OSBPL1A: variants seen among roughly 807,000 people sequenced by gnomAD.
OSBPL1A encodes the protein oxysterol-binding protein-related protein 1.
In OSBPL1A, 80 loss-of-function variants were observed where a neutral mutation model predicts 137.1. That is an observed-to-expected ratio of 0.58 (90% CI 0.49 to 0.70). OSBPL1A has a LOEUF of 0.70. Among genes scored for constraint, OSBPL1A ranks in the 30% least tolerant of loss-of-function variants. The pLI is 0.00. For synonymous variants in OSBPL1A, 365 were observed against 389.7 expected (o/e 0.94, Z 0.75); for missense variants, 970 against 1,129.4 (o/e 0.86, Z 2.02).
At chr18:24,344,046 T>C (rs1021725958) in intron 4 of OSBPL1A, among the ~76,000 whole-genome samples, 1 of 152,190 alleles carries the variant, frequency 6.6e-6, no homozygotes, top group African/African-American at 2.4e-5. Context: ...GCAAATCATG[T>C]ATCTAACAAG....
intron 1 of OSBPL1A, among the ~76,000 whole-genome samples, chr18:24,387,958 C>T (rs776360987): frequency 6.6e-6 from 1 of 151,974 alleles, no homozygotes; most frequent in Non-Finnish European, 1.5e-5. Flanking sequence ...GGGGATGAAT[C>T]GATAGCCAAT....
intron 24 of OSBPL1A, 103 bp downstream of exon 24, chr18:24,170,224 G>T: frequency 7.4e-7 from 1 of 1,345,084 alleles, no homozygotes; most frequent in Non-Finnish European, 1.0e-6. Flanking sequence ...CAACAAGGAA[G>T]AAGAAAGTTA....
At chr18:24,362,437 G>A (rs923833734) in intron 4 of OSBPL1A, among the ~76,000 whole-genome samples, 1 of 152,158 alleles carries the variant, frequency 6.6e-6, no homozygotes, top group Non-Finnish European at 1.5e-5. Context: ...AAATAGACAA[G>A]AGTGGTATAA....
At chr18:24,285,127 C>T (rs138640905) in intron 14 of OSBPL1A, among the ~76,000 whole-genome samples, 1 of 152,166 alleles carries the variant, frequency 6.6e-6, no homozygotes. Flanking sequence ...ACTCCAACAG[C>T]GGCCACACCC....
intron 15 of OSBPL1A, among the ~76,000 whole-genome samples, chr18:24,247,308 G>C (rs193019129): frequency 6.6e-6 from 1 of 152,310 alleles, no homozygotes; most frequent in East Asian, 1.9e-4. Context: ...CAAGAACTAA[G>C]ACAAGACCAC....
At chr18:24,231,490 A>G (rs2088278641) in intron 16 of OSBPL1A, among the ~76,000 whole-genome samples, 1 of 152,116 alleles carries the variant, frequency 6.6e-6, no homozygotes, top group Non-Finnish European at 1.5e-5. Context: ...GGGTTTCACC[A>G]TGTTGGCCAG....
chr18:24,351,702 G>A (rs1599702636), intron 4 of OSBPL1A, among the ~76,000 whole-genome samples: 1 of 152,104 alleles, frequency 6.6e-6, no homozygotes, highest in African/African-American at 2.4e-5. Flanking sequence ...ACCATGCGCA[G>A]ATAATTTTTG....
At chr18:24,298,849 C>A (rs1341522186) in intron 14 of OSBPL1A, among the ~76,000 whole-genome samples, 1 of 152,142 alleles carries the variant, frequency 6.6e-6, no homozygotes, top group Non-Finnish European at 1.5e-5. Flanking sequence ...GCACTATTAC[C>A]ATGTTGCTGT....
At chr18:24,272,560 C>T (rs1226012918) in intron 15 of OSBPL1A, among the ~76,000 whole-genome samples, 1 of 152,158 alleles carries the variant, frequency 6.6e-6, no homozygotes, top group Non-Finnish European at 1.5e-5. Flanking sequence ...AAATACCACA[C>T]TTAAGTGGGA....
intron 17 of OSBPL1A, among the ~76,000 whole-genome samples, chr18:24,218,033 G>T (rs1480065701): frequency 6.6e-6 from 1 of 152,120 alleles, no homozygotes; most frequent in African/African-American, 2.4e-5. Flanking sequence ...ATGGGGGAGG[G>T]AAGAGGAAAC....
At chr18:24,176,647 AAC>A (rs1324193355) in intron 21 of OSBPL1A, among the ~76,000 whole-genome samples, 7 of 152,292 alleles carry the variant, frequency 4.6e-5, no homozygotes, top group African/African-American at 1.7e-4. Flanking sequence ...GTAGGCAATT[AAC>A]AGAGTTTCAG....
At chr18:24,213,573 T>C (rs953202773) in intron 17 of OSBPL1A, among the ~76,000 whole-genome samples, 1 of 152,008 alleles carries the variant, frequency 6.6e-6, no homozygotes, top group African/African-American at 2.4e-5. Flanking sequence ...CTCAAAATGA[T>C]AATAATAATA....
rs144728433 is a variant in OSBPL1A at position 24,294,364 on chromosome 18, G to A, written c.1174+9273C>T. 1.4e-3 allele frequency among the ~76,000 whole-genome samples: 208 copies of A among 151,892 alleles called. 3 individuals carry two copies. The East Asian group carries it at 0.033, about 24-fold the overall frequency. ...CTTCTGTCTCAGCCTCCTGAGTAGC[G>A]GGGATTACAGGTACCCGCCACCAGG... On this transcript the variant is annotated intron_variant, in intron 14 of 27. Coordinates refer to ENST00000319481, the MANE Select transcript of OSBPL1A (RefSeq NM_080597.4).
intron 7 of OSBPL1A, among the ~76,000 whole-genome samples, chr18:24,322,497 T>C (rs1031564880): frequency 5.9e-5 from 9 of 152,056 alleles, no homozygotes; most frequent in African/African-American, 2.2e-4. Context: ...TGGTGATACA[T>C]TACTTCTTTA....
At chr18:24,227,638 G>A (rs190656799) in intron 16 of OSBPL1A, among the ~76,000 whole-genome samples, 70 of 152,200 alleles carry the variant, frequency 4.6e-4, no homozygotes, top group African/African-American at 1.7e-3. Flanking sequence ...ATGGCACAAC[G>A]GCAAATTTTG....
intron 16 of OSBPL1A, among the ~76,000 whole-genome samples, chr18:24,232,221 C>T (rs2088304811): frequency 6.6e-6 from 1 of 152,114 alleles, no homozygotes; most frequent in Non-Finnish European, 1.5e-5. Flanking sequence ...GTAAACACAA[C>T]CTAACATATT....
intron 1 of OSBPL1A, among the ~76,000 whole-genome samples, chr18:24,377,737 A>C (rs1906295687): frequency 6.6e-6 from 1 of 152,174 alleles, no homozygotes; most frequent in Non-Finnish European, 1.5e-5. Context: ...AGTACAGGAG[A>C]CACTTGGGCA....
chr18:24,225,179 G>A lies in OSBPL1A; in HGVS notation c.1464C>T (p.Ser488=). ...DALSDSESER[S]LSRLEAVTAR... is the part of the protein sequence containing the mutation. Reference sequence around the variant, plus strand: ...CTGTCACTGCTTCCAATCTACTCAGGGACCTTTCGGACTCGGAATCTGTGG... The same window carrying A: ...CTGTCACTGCTTCCAATCTACTCAGAGACCTTTCGGACTCGGAATCTGTGG... The change falls in exon 17 of 28, where the codon TCC becomes TCT. Residue 488 remains serine, a synonymous_variant. Transcript: ENST00000319481. 3 of 1,614,000 alleles carry A rather than the reference G, an allele frequency of 1.9e-6. No individual in the cohort carries two copies. In the South Asian group the frequency reaches 3.3e-5, roughly 18 times the overall value.
At chr18:24,250,484 A>G (rs1326349124) in intron 15 of OSBPL1A, among the ~76,000 whole-genome samples, 1 of 152,138 alleles carries the variant, frequency 6.6e-6, no homozygotes, top group African/African-American at 2.4e-5. Flanking sequence ...CCTCCTGACG[A>G]CATTTCTAGA....
Sources: allele counts gnomAD v4.1 joint callset (sites outside exome capture counted in the v4.1 genomes callset), GRCh38; gene constraint gnomAD v4.1.1; transcripts MANE v1.5; gene names NCBI Gene and HGNC (gene_info 2026-07-23, HGNC 2026-07-21).